CEP128: variants seen among roughly 807,000 people sequenced by gnomAD.
The protein encoded by CEP128 is centrosomal protein 128kDa.
A neutral mutation model predicts 156.7 loss-of-function variants in CEP128; 132 were observed. The ratio of observed to expected loss-of-function variants is 0.84; its 90% CI spans 0.73 to 0.97. The LOEUF (loss-of-function observed/expected upper bound fraction) is 0.97, where lower values mean the gene tolerates loss of function less well. Among genes scored for constraint, CEP128 ranks in the 50% least tolerant of loss-of-function variants. The probability of loss-of-function intolerance (pLI) is 0.00; values close to 1 mark genes in which losing one functional copy is unlikely to be tolerated. For synonymous variants in CEP128, 469 were observed against 448.9 expected, an observed-to-expected ratio of 1.04 and a Z score of -0.57; for missense variants, 1,252 against 1,281.9, an observed-to-expected ratio of 0.98 and a Z score of 0.36.
At chr14:80,716,944 C>T (rs1897629675) in intron 19 of CEP128, among the ~76,000 whole-genome samples, 1 of 152,158 alleles carries the variant, frequency 6.6e-6, no homozygotes, top group Non-Finnish European at 1.5e-5. Flanking sequence ...AGTAGTATCT[C>T]TTTGAGGCTT....
At chr14:80,770,459 T>A (rs137986253) in intron 16 of CEP128, among the ~76,000 whole-genome samples, 3 of 152,174 alleles carry the variant, frequency 2.0e-5, no homozygotes, top group African/African-American at 7.2e-5. Flanking sequence ...TTTCTTAACA[T>A]CTGACATTAC....
intron 18 of CEP128, among the ~76,000 whole-genome samples, 188 bp downstream of exon 18, chr14:80,756,704 T>C (rs1899677525): frequency 2.0e-5 from 3 of 152,206 alleles, no homozygotes; most frequent in Admixed American, 2.0e-4. Context: ...GGCCTACATA[T>C]TTAACTTTAA....
At chr14:80,805,624 T>C (rs1457060565) in intron 13 of CEP128, among the ~76,000 whole-genome samples, 1 of 152,242 alleles carries the variant, frequency 6.6e-6, no homozygotes, top group Non-Finnish European at 1.5e-5. Flanking sequence ...TACTCATCTC[T>C]ATTGGGAAAT....
chr14:80,644,447 G>A (rs1894553264), intron 19 of CEP128, among the ~76,000 whole-genome samples: 1 of 152,102 alleles, frequency 6.6e-6, no homozygotes, highest in African/African-American at 2.4e-5. Context: ...AGTAAGACAT[G>A]GGTGTTACAC....
At chr14:80,904,091 G>A (rs1339758048) in intron 6 of CEP128, among the ~76,000 whole-genome samples, 1 of 152,096 alleles carries the variant, frequency 6.6e-6, no homozygotes, top group East Asian at 1.9e-4. Flanking sequence ...AACAACCTAA[G>A]TGTCTATCAG....
intron 19 of CEP128, among the ~76,000 whole-genome samples, chr14:80,652,318 GCAA>G (rs1280985835): frequency 3.3e-5 from 5 of 152,040 alleles, no homozygotes; most frequent in African/African-American, 1.2e-4. Flanking sequence ...AAAAGCAATG[GCAA>G]CAAAAGCCAA....
chr14:80,593,546 C>CAAAAAA (rs780221928), intron 19 of CEP128, among the ~76,000 whole-genome samples: 10 of 77,836 alleles, frequency 1.3e-4, no homozygotes, highest in South Asian at 9.1e-4. Flanking sequence ...GACTCCATCT[C>CAAAAAA]AAAAAAAAAA....
At chr14:80,611,636 T>C (rs1892997986) in intron 19 of CEP128, among the ~76,000 whole-genome samples, 1 of 152,200 alleles carries the variant, frequency 6.6e-6, no homozygotes, top group Non-Finnish European at 1.5e-5. Flanking sequence ...GTGTCAAAGC[T>C]ACAGAGATCT....
intron 19 of CEP128, among the ~76,000 whole-genome samples, chr14:80,603,504 C>T (rs1258064473): frequency 6.6e-6 from 1 of 152,052 alleles, no homozygotes; most frequent in African/African-American, 2.4e-5. Context: ...AAATCCTATC[C>T]CAGTTTATTT....
chr14:80,667,380 A>T lies in CEP128; in HGVS notation c.2806+75695T>A, dbSNP rs189757519. Among the ~76,000 whole-genome samples the T allele has an allele frequency of 5.9e-5, 9 of 152,344 alleles. No individual in the cohort carries two copies. The East Asian group carries it at 1.7e-3, about 29-fold the overall frequency. On this transcript the variant is annotated intron_variant, in intron 19 of 24. Coordinates refer to ENST00000555265, the MANE Select transcript of CEP128 (RefSeq NM_152446.5). ...TCCAAAGAAAGCCAGAGTCAACTAT[A>T]AAAAATGATTTAGAAATGTGGGATA... is the stretch of plus-strand genomic sequence containing the variant.
chr14:80,655,388 A>G (rs1042506935), intron 19 of CEP128, among the ~76,000 whole-genome samples: 7 of 152,194 alleles, frequency 4.6e-5, no homozygotes, highest in African/African-American at 1.7e-4. Context: ...CAGAATCCTT[A>G]GCTACATGAA....
Position 80,504,936 on chromosome 14 carries a change from T to C in CEP128, c.3157A>G (p.Ser1053Gly). The C allele has an allele frequency of 6.2e-7, 1 of 1,600,322 alleles. No homozygotes were observed. Among genetic ancestry groups the C allele is most frequent in the Non-Finnish European group, 8.5e-7 (1 of 1,171,194 alleles). ...SWQDHSRFLS[S>G]PRFSYVNSFT... ...CAGTTCACGTATGAAAATCTTGGAC[T>C]AGACAGGAAGCGACTGTGATCCTGC... Residue 1053 changes from serine (S) to glycine (G), a missense_variant, in exon 24 of 25, where the codon AGT (serine) becomes GGT (glycine). Transcript: ENST00000555265.
chr14:80,838,230 CTTCT>C lies in CEP128; in HGVS notation c.894_897del (p.Glu299AlafsTer10). The C allele has an allele frequency of 6.2e-7, 1 of 1,613,278 alleles. No homozygotes were observed. The highest frequency in any genetic ancestry group is 8.5e-7 in the Non-Finnish European group (1 of 1,179,496). On this transcript the variant is annotated frameshift_variant, in exon 11 of 25. Transcript: ENST00000555265. LOFTEE classifies it high-confidence loss of function. ...TGATGCAAAAGTGTTTCTCGGCTGC[CTTCT>C]GATTGATTCAATAACCTTCGAGATA...
chr14:80,812,545 C>T (rs1884617468), intron 13 of CEP128, among the ~76,000 whole-genome samples: 3 of 152,190 alleles, frequency 2.0e-5, no homozygotes, highest in Non-Finnish European at 4.4e-5. Flanking sequence ...TTCCCTTTCT[C>T]CATAACCTTG....
chr14:80,581,682 T>C (rs115977948), intron 19 of CEP128, among the ~76,000 whole-genome samples: 1,771 of 152,312 alleles, frequency 0.012, 34 homozygotes, highest in African/African-American at 0.041. Flanking sequence ...CTTAATCAGG[T>C]ACGTCAAAAA....
intron 2 of CEP128, among the ~76,000 whole-genome samples, chr14:80,950,373 T>C (rs1305721174): frequency 1.3e-5 from 2 of 152,128 alleles, no homozygotes; most frequent in Non-Finnish European, 2.9e-5. Context: ...GAAACTAAGA[T>C]AGATATCAAG....
chr14:80,938,135 C>T (rs569928556), intron 2 of CEP128, among the ~76,000 whole-genome samples: 3 of 152,074 alleles, frequency 2.0e-5, no homozygotes, highest in Non-Finnish European at 2.9e-5. Context: ...TGGGCTCAAG[C>T]GATCCTCCTG....
chr14:80,609,558 G>C (rs1892914329), intron 19 of CEP128, among the ~76,000 whole-genome samples: 2 of 152,098 alleles, frequency 1.3e-5, no homozygotes, highest in South Asian at 4.1e-4. Context: ...CTTGGGCCAA[G>C]AACACATTTT....
intron 19 of CEP128, among the ~76,000 whole-genome samples, chr14:80,654,993 T>C (rs1218028233): frequency 6.6e-6 from 1 of 152,184 alleles, no homozygotes; most frequent in Non-Finnish European, 1.5e-5. Context: ...ATCATAACTC[T>C]CAGTCACCGT....
Sources: gnomAD v4.1 joint callset for allele counts (sites outside exome capture counted in the v4.1 genomes callset) on GRCh38, gnomAD v4.1.1 for gene constraint, MANE v1.5 for transcripts, NCBI Gene and HGNC (gene_info 2026-07-23, HGNC 2026-07-21) for gene names.